The following PRKCB variants were observed in gnomAD, a reference collection of about 807,000 sequenced individuals.
PRKCB encodes protein kinase C beta type.
A neutral mutation model predicts 81.5 loss-of-function variants in PRKCB; 13 were observed. The observed-to-expected ratio is 0.16, with a 90% CI of 0.10 to 0.25. The LOEUF (loss-of-function observed/expected upper bound fraction) is 0.25. Among genes scored for constraint, PRKCB ranks in the 10% least tolerant of loss-of-function variants. The pLI, the probability that PRKCB is intolerant of heterozygous loss-of-function variation, is 1.00. For synonymous variants in PRKCB, 335 were observed against 321.4 expected (o/e 1.04, Z -0.45); for missense variants, 509 against 875.7 (o/e 0.58, Z 5.29).
chr16:24,207,659 C>A (rs1176155698), intron 16 of PRKCB, among the ~76,000 whole-genome samples: 1 of 152,122 alleles, frequency 6.6e-6, no homozygotes, highest in East Asian at 1.9e-4. Context: ...CCTATTGGCC[C>A]ATAGTAGATT....
intron 9 of PRKCB, among the ~76,000 whole-genome samples, chr16:24,140,024 T>C (rs976590014): frequency 1.3e-5 from 2 of 152,224 alleles, no homozygotes; most frequent in East Asian, 3.8e-4. Context: ...AAACAGACTG[T>C]TAGAAGTCTG....
chr16:24,199,613 T>C (rs1490922026), intron 16 of PRKCB, among the ~76,000 whole-genome samples: 1 of 152,216 alleles, frequency 6.6e-6, no homozygotes, highest in Non-Finnish European at 1.5e-5. Flanking sequence ...AAATTGTGAT[T>C]TAAAATAATT....
At chr16:24,167,131 T>C (rs551063900) in intron 10 of PRKCB, among the ~76,000 whole-genome samples, 1 of 144,616 alleles carries the variant, frequency 6.9e-6, no homozygotes, top group South Asian at 2.5e-4. Context: ...ATTTTTAGGC[T>C]TGTTTTCTAT....
In PRKCB at chr16:24,107,684, G is replaced by A. The variant is rs926114643; in HGVS notation, c.822-5289G>A. 6.6e-5 allele frequency among the ~76,000 whole-genome samples: 10 copies of A among 152,242 alleles called. No individual in the cohort carries two copies. The South Asian group carries it at 1.2e-3, about 19-fold the overall frequency. ...CTCACTCTGTGGCGTACTGGCCACC[G>A]TGAACACACGCTGTGGCACCATGCC... On this transcript the variant is annotated intron_variant, in intron 7 of 16. Coordinates refer to ENST00000643927, the MANE Select transcript of PRKCB (RefSeq NM_002738.7).
intron 2 of PRKCB, among the ~76,000 whole-genome samples, chr16:23,985,202 T>C (rs1293409065): frequency 6.6e-6 from 1 of 152,142 alleles, no homozygotes; most frequent in Non-Finnish European, 1.5e-5. Flanking sequence ...AGCAATCTAC[T>C]GCCTCAGCCT....
intron 2 of PRKCB, among the ~76,000 whole-genome samples, chr16:23,932,595 A>G (rs1041082407): frequency 6.6e-6 from 1 of 152,234 alleles, no homozygotes; most frequent in African/African-American, 2.4e-5. Flanking sequence ...CATCAACAGC[A>G]GACTGGAAGG....
At chr16:24,191,471 T>G in intron 16 of PRKCB, 1 of 413,912 alleles carries the variant, frequency 2.4e-6, no homozygotes, top group Non-Finnish European at 4.3e-6. Context: ...TTTCTTCGAT[T>G]CAATTATTGT....
At chr16:24,021,072 C>CTTTCTTTCTTTCTTTCTTTCTTTCT (rs869305099) in intron 3 of PRKCB, among the ~76,000 whole-genome samples, 1 of 94,372 alleles carries the variant, frequency 1.1e-5, no homozygotes, top group South Asian at 3.7e-4. Flanking sequence ...CCCTCCCTCC[C>CTTTCTTTCTTTCTTTCTTTCTTTCT]TTCTTTCTTT....
chr16:24,017,392 C>G (rs551138335), intron 3 of PRKCB, among the ~76,000 whole-genome samples: 40 of 152,056 alleles, frequency 2.6e-4, no homozygotes, highest in African/African-American at 9.6e-4. Context: ...AAAAGTGAAA[C>G]CATAAAAGAC....
chr16:24,071,650 G>A (rs1460640067), intron 5 of PRKCB, among the ~76,000 whole-genome samples: 1 of 151,926 alleles, frequency 6.6e-6, no homozygotes, highest in South Asian at 2.1e-4. Flanking sequence ...TGGCTTGTCC[G>A]CTCTGCACAT....
At chr16:24,069,506 G>A (rs1242728598) in intron 5 of PRKCB, among the ~76,000 whole-genome samples, 1 of 152,108 alleles carries the variant, frequency 6.6e-6, no homozygotes, top group African/African-American at 2.4e-5. Flanking sequence ...TCTTTGGGAG[G>A]CCATGGTGGG....
rs71154259 is a variant in PRKCB at position 23,915,689 on chromosome 16, C to CAAAAAAAAAAAAA, written c.206-72808_206-72796dup. 3.9e-4 allele frequency among the ~76,000 whole-genome samples: 21 copies of CAAAAAAAAAAAAA among 54,532 alleles called. 1 individual carries two copies. The highest frequency in any genetic ancestry group is 6.9e-4 in the East Asian group (1 of 1,442). 35.8% of individuals were successfully genotyped at this position (54,532 alleles called of 152,430 possible). On this transcript the variant is annotated intron_variant, in intron 2 of 16. Transcript: ENST00000643927. ...CCTGGGCAAGAGTGAGACTCTCTAT[C>CAAAAAAAAAAAAA]AAAAAAAAAAAAAAAAAAAAAAAGC...
intron 2 of PRKCB, among the ~76,000 whole-genome samples, chr16:23,936,488 C>G (rs1964059117): frequency 6.6e-6 from 1 of 151,838 alleles, no homozygotes; most frequent in South Asian, 2.1e-4. Flanking sequence ...TCTTGGCTTA[C>G]TACAACCTCT....
chr16:24,093,224 G>A (rs746277392), intron 6 of PRKCB, among the ~76,000 whole-genome samples: 13 of 152,186 alleles, frequency 8.5e-5, no homozygotes, highest in Non-Finnish European at 1.6e-4. Flanking sequence ...GGTGTGATGT[G>A]TTGCTAAGTG....
chr16:24,136,040 GC>G (rs1966863531), intron 9 of PRKCB, among the ~76,000 whole-genome samples: 1 of 150,704 alleles, frequency 6.6e-6, no homozygotes, highest in Non-Finnish European at 1.5e-5. Context: ...TCACTTCCCT[GC>G]CCCCACCAAG....
chr16:24,021,309 T>TTTCTTTCTTTCTTTCCTC lies in PRKCB; in HGVS notation c.289-10827_289-10826insTTCTTTCTTTCTTTCCTC, dbSNP rs1567347288. On this transcript the variant is annotated intron_variant, in intron 3 of 16. Coordinates refer to ENST00000643927, the MANE Select transcript of PRKCB (RefSeq NM_002738.7). The stretch of plus-strand genomic sequence containing the variant: ...CCTCTCCCTCCCTTCCTTCCTTCCT[T>TTTCTTTCTTTCTTTCCTC]CCTTCCTTCCTTCCTTCCTTCCTTC... Among the ~76,000 whole-genome samples the TTTCTTTCTTTCTTTCCTC allele has an allele frequency of 9.3e-3, 223 of 24,060 alleles. 37 individuals are homozygous for TTTCTTTCTTTCTTTCCTC. Among genetic ancestry groups the TTTCTTTCTTTCTTTCCTC allele is most frequent in the South Asian group, 0.02 (5 of 254 alleles). The allele number at this position is 24,060 out of a possible 152,430, so 15.8% of individuals were successfully genotyped here.
intron 2 of PRKCB, among the ~76,000 whole-genome samples, chr16:23,936,699 A>G (rs1442872800): frequency 6.7e-6 from 1 of 149,054 alleles, no homozygotes; most frequent in Non-Finnish European, 1.5e-5. Flanking sequence ...TGCTGGGATT[A>G]CAGATGTGAG....
chr16:23,898,568 G>A (rs1446713705), intron 2 of PRKCB, among the ~76,000 whole-genome samples: 1 of 152,138 alleles, frequency 6.6e-6, no homozygotes, highest in Non-Finnish European at 1.5e-5. Flanking sequence ...AGGTGAGCAT[G>A]TGTATTAAGG....
At chr16:23,844,957 T>A (rs1342851793) in intron 2 of PRKCB, among the ~76,000 whole-genome samples, 1 of 152,032 alleles carries the variant, frequency 6.6e-6, no homozygotes, top group Non-Finnish European at 1.5e-5. Context: ...GCCCACCACC[T>A]CGCCCAGCTA....
Sources: gnomAD v4.1 joint callset for allele counts (sites outside exome capture counted in the v4.1 genomes callset) on GRCh38, gnomAD v4.1.1 for gene constraint, MANE v1.5 for transcripts, NCBI Gene and HGNC (gene_info 2026-07-23, HGNC 2026-07-21) for gene names.